The following CFAP77 variants were observed in gnomAD, a reference collection of about 807,000 sequenced individuals.
CFAP77 encodes the protein cilia- and flagella-associated protein 77.
A neutral mutation model predicts 31.1 loss-of-function variants in CFAP77; 25 were observed. The ratio of observed to expected loss-of-function variants is 0.80; its 90% CI spans 0.59 to 1.12. The LOEUF is 1.12. CFAP77 is among the 50% of genes most tolerant of loss of function. The pLI is 0.00. For missense variants in CFAP77, 377 were observed against 397.3 expected (o/e 0.95, Z 0.44); for synonymous variants, 151 against 159.9 (o/e 0.94, Z 0.42).
intron 1 of CFAP77, among the ~76,000 whole-genome samples, chr9:132,459,859 TGA>T (rs771323939): frequency 2.5e-4 from 38 of 151,522 alleles, no homozygotes; most frequent in East Asian, 1.4e-3. Flanking sequence ...AGTCTGTGTG[TGA>T]GTGTGTGTAT....
At chr9:132,537,808 A>T (rs1413481757) in intron 4 of CFAP77, 102 bp downstream of exon 4, 3 of 824,686 alleles carry the variant, frequency 3.6e-6, no homozygotes, top group Non-Finnish European at 4.0e-6. Flanking sequence ...TATGTTTGTC[A>T]TTGGGGATGA....
intron 1 of CFAP77, among the ~76,000 whole-genome samples, chr9:132,486,090 A>ATTTTTTTTTT (rs1178281920): frequency 6.5e-5 from 1 of 15,362 alleles, no homozygotes; most frequent in Non-Finnish European, 9.6e-5. Flanking sequence ...ATATATATAT[A>ATTTTTTTTTT]TTTTTTTTTT....
chr9:132,442,576 A>G (rs985682156), intron 1 of CFAP77, among the ~76,000 whole-genome samples: 2 of 152,074 alleles, frequency 1.3e-5, no homozygotes, highest in African/African-American at 4.8e-5. Flanking sequence ...CTGTGTTATA[A>G]TTTATGCTGC....
At chr9:132,487,616 C>T (rs535538192) in intron 1 of CFAP77, among the ~76,000 whole-genome samples, 4 of 150,744 alleles carry the variant, frequency 2.7e-5, no homozygotes, top group South Asian at 4.2e-4. Context: ...TAACAGTAGT[C>T]CATGTAGAAT....
In CFAP77 at chr9:132,500,771, G is replaced by T. The variant is rs528317992; in HGVS notation, c.524+1171G>T. ...GATGACTGGCACGCATGTCCCAATG[G>T]GTCCACATCCTCACCATTGTCAACA... On this transcript the variant is annotated intron_variant, in intron 3 of 5. Coordinates refer to ENST00000393216, the MANE Select transcript of CFAP77 (RefSeq NM_001282957.2). 4.6e-5 allele frequency among the ~76,000 whole-genome samples: 7 copies of T among 152,236 alleles called. No homozygotes were observed. In the South Asian group the frequency reaches 1.2e-3, roughly 27 times the overall value.
intron 1 of CFAP77, among the ~76,000 whole-genome samples, chr9:132,461,247 G>A (rs1851045148): frequency 6.6e-6 from 1 of 152,192 alleles, no homozygotes; most frequent in Non-Finnish European, 1.5e-5. Context: ...GGAGGAACTG[G>A]GCAAAGCGCC....
Position 132,565,119 on chromosome 9 carries a change from G to C in CFAP77, c.733-7269G>C, listed in dbSNP as rs181291461. 2.9e-4 allele frequency among the ~76,000 whole-genome samples: 44 copies of C among 151,844 alleles called. No homozygotes were observed. Among genetic ancestry groups the C allele is most frequent in the African/African-American group, 9.2e-4 (38 of 41,406 alleles). ...AGGAGGGAACTATGATTCCTAGGCA[G>C]ATGGAGTAGAAATCTCTTCTAGGAT... On this transcript the variant is annotated intron_variant, in intron 5 of 5. Transcript: ENST00000393216. This position sits in a 1 kb window ranked among gnomAD's most constrained non-coding sequence, Gnocchi z 4.1.
chr9:132,417,977 A>G (rs1288198976), intron 1 of CFAP77, among the ~76,000 whole-genome samples: 4 of 152,084 alleles, frequency 2.6e-5, no homozygotes, highest in African/African-American at 9.7e-5. Flanking sequence ...AAACCATCCA[A>G]TTTCTAGCAC....
chr9:132,546,775 G>A (rs1372188639), intron 5 of CFAP77, among the ~76,000 whole-genome samples: 1 of 152,212 alleles, frequency 6.6e-6, no homozygotes, highest in Non-Finnish European at 1.5e-5. Context: ...GGCCCAGAAG[G>A]GGGTTCTGCC....
intron 3 of CFAP77, among the ~76,000 whole-genome samples, chr9:132,518,111 T>C (rs1852181097): frequency 6.6e-6 from 1 of 152,068 alleles, no homozygotes; most frequent in South Asian, 2.1e-4. Context: ...CACAGGCTGT[T>C]CAGGAGTCCA....
chr9:132,523,608 G>T (rs1045669113), intron 3 of CFAP77, among the ~76,000 whole-genome samples: 5 of 152,296 alleles, frequency 3.3e-5, no homozygotes, highest in Admixed American at 2.0e-4. Flanking sequence ...GGAGGCACAG[G>T]GGGGTCCGAG....
chr9:132,500,674 A>G (rs1364777200), intron 3 of CFAP77, among the ~76,000 whole-genome samples: 1 of 152,210 alleles, frequency 6.6e-6, no homozygotes, highest in Admixed American at 6.5e-5. Context: ...CCCCTGAGAA[A>G]TAGCAGTTCT....
In CFAP77 at chr9:132,490,645, C is replaced by T. The variant is rs1010654733; in HGVS notation, c.196-8050C>T. 6.6e-6 allele frequency among the ~76,000 whole-genome samples: 1 copy of T among 152,172 alleles called. No homozygotes were observed. The highest frequency in any genetic ancestry group is 1.5e-5 in the Non-Finnish European group (1 of 68,020). On this transcript the variant is annotated intron_variant, in intron 1 of 5. Transcript: ENST00000393216. The surrounding 1 kb of genome is among the most constrained non-coding windows in gnomAD (Gnocchi z 4.6). The stretch of plus-strand genomic sequence containing the variant: ...TCTAAGTCCCCTTGGCCCTCTTACC[C>T]TCCCTGGCTACTCCTGGAACCTTCT...
chr9:132,524,472 G>A (rs969513031), intron 3 of CFAP77, among the ~76,000 whole-genome samples: 4 of 151,630 alleles, frequency 2.6e-5, no homozygotes, highest in Non-Finnish European at 5.9e-5. Context: ...AATTAGCCAG[G>A]CGTGGCAGCG....
intron 3 of CFAP77, among the ~76,000 whole-genome samples, chr9:132,504,370 A>C (rs1448724327): frequency 6.6e-6 from 1 of 152,218 alleles, no homozygotes; most frequent in Non-Finnish European, 1.5e-5. Context: ...TTCAATATAG[A>C]ATCTTAAATT....
intron 5 of CFAP77, among the ~76,000 whole-genome samples, chr9:132,547,040 G>C (rs974264960): frequency 1.3e-5 from 2 of 152,206 alleles, no homozygotes; most frequent in Non-Finnish European, 2.9e-5. Context: ...CCCATTTTGG[G>C]GATGGGACAT....
chr9:132,518,025 A>G (rs1852178978), intron 3 of CFAP77, among the ~76,000 whole-genome samples: 1 of 151,908 alleles, frequency 6.6e-6, no homozygotes, highest in African/African-American at 2.4e-5. Context: ...GTGGTGAGAA[A>G]CTTTTCTGGG....
In CFAP77 at chr9:132,424,270, C is replaced by T. The variant is rs190895253; in HGVS notation, c.195+13804C>T. On this transcript the variant is annotated intron_variant, in intron 1 of 5. Transcript: ENST00000393216. The surrounding 1 kb of genome is among the most constrained non-coding windows in gnomAD (Gnocchi z 4.1). The stretch of plus-strand genomic sequence containing the variant: ...TTACAAAAATTAGCCGGCATGGCCT[C>T]GGGTGCCTGTAGTCCCAGCTACTCA... 6.8e-4 allele frequency among the ~76,000 whole-genome samples: 104 copies of T among 152,208 alleles called. No homozygotes were observed. The highest frequency in any genetic ancestry group is 5.2e-3 in the South Asian group (25 of 4,822).
At chr9:132,513,160 T>A in intron 3 of CFAP77, 1 of 1,286,184 alleles carries the variant, frequency 7.8e-7, no homozygotes, top group Non-Finnish European at 1.1e-6. Flanking sequence ...CACAATCCAA[T>A]TCTACTCTTA....
Sources: gnomAD v4.1 joint callset for allele counts (sites outside exome capture counted in the v4.1 genomes callset) on GRCh38, gnomAD v4.1.1 for gene constraint, Gnocchi (gnomAD v3.1) non-coding constraint, MANE v1.5 for transcripts, NCBI Gene and HGNC (gene_info 2026-07-23, HGNC 2026-07-21) for gene names.